STK31: variants seen among roughly 807,000 people sequenced by gnomAD.
The protein encoded by STK31 is serine/threonine-protein kinase 31.
A neutral mutation model predicts 129.7 loss-of-function variants in STK31; 89 were observed. The observed-to-expected ratio is 0.69, with a 90% CI of 0.58 to 0.82. The LOEUF is 0.82. Ranked by LOEUF, STK31 falls within the 40% of genes least tolerant of loss-of-function variation. The probability of loss-of-function intolerance (pLI) is 0.00; values close to 1 mark genes in which losing one functional copy is unlikely to be tolerated. For synonymous variants in STK31, 448 were observed against 395.3 expected (o/e 1.13, Z -1.58); for missense variants, 1,187 against 1,176.4 (o/e 1.01, Z -0.13).
chr7:23,801,060 A>G (rs556394898), intron 22 of STK31, among the ~76,000 whole-genome samples: 4 of 152,156 alleles, frequency 2.6e-5, no homozygotes, highest in Admixed American at 1.3e-4. Context: ...TTGTTTCTCT[A>G]TGGTAATTAC....
intron 3 of STK31, among the ~76,000 whole-genome samples, chr7:23,713,872 AT>A (rs936194549): frequency 1.3e-5 from 2 of 151,868 alleles, no homozygotes; most frequent in East Asian, 1.9e-4. Flanking sequence ...GTAAAAAAAA[AT>A]ATATATATAC....
At chr7:23,772,104 C>A in intron 14 of STK31, 43 bp from the exon 15 acceptor site, 1 of 1,407,558 alleles carries the variant, frequency 7.1e-7, no homozygotes, top group Non-Finnish European at 9.7e-7. Context: ...TCAATAAATA[C>A]TTTTCTTATG....
At chr7:23,787,067 A>G in intron 20 of STK31, 143 bp downstream of exon 20, 2 of 747,454 alleles carry the variant, frequency 2.7e-6, no homozygotes, top group Non-Finnish European at 4.3e-6. Context: ...CCTGTGATAG[A>G]AGTTATCGTG....
intron 22 of STK31, among the ~76,000 whole-genome samples, chr7:23,798,172 C>T (rs1165982198): frequency 6.6e-6 from 1 of 152,118 alleles, no homozygotes; most frequent in East Asian, 1.9e-4. Flanking sequence ...ACCAGAGGTA[C>T]AAAGAGGAGC....
intron 19 of STK31, 51 bp downstream of exon 19, chr7:23,786,684 CTA>C (rs1562601748): frequency 6.3e-7 from 1 of 1,582,054 alleles, no homozygotes; most frequent in East Asian, 2.2e-5. Context: ...CTTGCAGAAA[CTA>C]TTTTATTTAA....
intron 8 of STK31, among the ~76,000 whole-genome samples, chr7:23,740,142 G>C (rs561913236): frequency 1.3e-5 from 2 of 152,202 alleles, no homozygotes; most frequent in East Asian, 1.9e-4. Flanking sequence ...AGGGTTTGCT[G>C]TGTTGCTTAG....
At chr7:23,829,618 G>T (rs572260439) in intron 23 of STK31, among the ~76,000 whole-genome samples, 7 of 152,302 alleles carry the variant, frequency 4.6e-5, no homozygotes, top group Non-Finnish European at 7.3e-5. Flanking sequence ...TCTGGTTTTG[G>T]TATCAAGGTA....
intron 10 of STK31, among the ~76,000 whole-genome samples, chr7:23,761,354 T>G (rs1789448539): frequency 2.0e-5 from 3 of 152,152 alleles, no homozygotes; most frequent in African/African-American, 7.2e-5. Context: ...CTTATTTTGG[T>G]TTAGAATTGA....
intron 5 of STK31, among the ~76,000 whole-genome samples, chr7:23,728,047 TGTG>T (rs973549056): frequency 6.7e-5 from 10 of 150,110 alleles, no homozygotes; most frequent in African/African-American, 2.4e-4. Flanking sequence ...CTGGGTTAAA[TGTG>T]GTGAGTTTTC....
chr7:23,761,485 A>T (rs1464334661), intron 10 of STK31, among the ~76,000 whole-genome samples: 1 of 146,032 alleles, frequency 6.8e-6, no homozygotes, highest in Non-Finnish European at 1.5e-5. Flanking sequence ...CAGTGGTGTG[A>T]TCTCGGCTCA....
At chr7:23,809,249 G>C (rs1439741427) in intron 22 of STK31, among the ~76,000 whole-genome samples, 1 of 151,822 alleles carries the variant, frequency 6.6e-6, no homozygotes, top group Non-Finnish European at 1.5e-5. Context: ...GCTGAATGCT[G>C]TTGCACTGCA....
At chr7:23,789,814 T>C (rs1222414694) in intron 21 of STK31, among the ~76,000 whole-genome samples, 1 of 152,206 alleles carries the variant, frequency 6.6e-6, no homozygotes, top group Non-Finnish European at 1.5e-5. Flanking sequence ...TCATTCGTCA[T>C]CTGTTATTAT....
At chr7:23,731,189 A>G (rs753116118) in intron 6 of STK31, among the ~76,000 whole-genome samples, 33 of 151,908 alleles carry the variant, frequency 2.2e-4, no homozygotes, top group Non-Finnish European at 4.1e-4. Flanking sequence ...AAACATTTGT[A>G]TTTGGATGCT....
chr7:23,731,365 T>A (rs1489003142), intron 6 of STK31, among the ~76,000 whole-genome samples: 2 of 152,190 alleles, frequency 1.3e-5, no homozygotes, highest in Non-Finnish European at 2.9e-5. Context: ...TCTTTGCTAA[T>A]ACCCACTTAC....
intron 1 of STK31, chr7:23,710,652 A>G: frequency 1.7e-6 from 2 of 1,189,170 alleles, no homozygotes; most frequent in East Asian, 4.8e-5. Flanking sequence ...AATAAGTGTC[A>G]GAGAGCTACG....
intron 15 of STK31, among the ~76,000 whole-genome samples, chr7:23,777,270 G>T (rs1053711017): frequency 1.8e-3 from 269 of 152,076 alleles, no homozygotes; most frequent in African/African-American, 6.2e-3. Flanking sequence ...GAATAAGTGT[G>T]ATGTGGTGCT....
At chr7:23,759,202 A>G (rs542108854) in intron 10 of STK31, among the ~76,000 whole-genome samples, 41 of 152,316 alleles carry the variant, frequency 2.7e-4, no homozygotes, top group African/African-American at 9.4e-4. Flanking sequence ...TTAACACCCC[A>G]CTGTCAGTAT....
intron 6 of STK31, among the ~76,000 whole-genome samples, chr7:23,731,106 A>G (rs1037068762): frequency 1.3e-5 from 2 of 150,246 alleles, no homozygotes; most frequent in Non-Finnish European, 3.0e-5. Context: ...CTGGTCTTGA[A>G]CTCCTGACTT....
In STK31 at chr7:23,736,786, T is replaced by C. The variant is rs1019713984; in HGVS notation, c.843-118T>C. 3.9e-6 allele frequency: 3 copies of C among 772,898 alleles called. No individual in the cohort carries two copies. In the Admixed American group the frequency reaches 1.1e-4, roughly 29 times the overall value. The allele number at this position is 772,898 out of a possible 1,614,324, so 47.9% of individuals were successfully genotyped here. A position where few individuals can be genotyped will look rare whatever the true frequency, so the allele number is the denominator to read the frequency against. ...ATTATGAACTAGGTAAATATTTTAG[T>C]TTTCAAAATTAACTTTCAGATATAT... On this transcript the variant is annotated intron_variant, in intron 7 of 23. Coordinates refer to ENST00000355870, the MANE Select transcript of STK31 (RefSeq NM_031414.5).
Sources: allele counts gnomAD v4.1 joint callset (sites outside exome capture counted in the v4.1 genomes callset), GRCh38; gene constraint gnomAD v4.1.1; transcripts MANE v1.5; gene names NCBI Gene and HGNC (gene_info 2026-07-23, HGNC 2026-07-21).